The following PLEKHG1 variants were observed in gnomAD, a reference collection of about 807,000 sequenced individuals.
PLEKHG1 encodes pleckstrin homology and RhoGEF domain containing G1, also known as pleckstrin homology domain-containing family G member 1.
PLEKHG1 carries 44 observed loss-of-function variants against 100.8 expected under a neutral mutation model. The ratio of observed to expected loss-of-function variants is 0.44; its 90% CI spans 0.34 to 0.56. PLEKHG1 has a LOEUF of 0.56. Among genes scored for constraint, PLEKHG1 ranks in the 20% least tolerant of loss-of-function variants. The pLI is 0.01. For missense variants in PLEKHG1, 1,545 were observed against 1,720.9 expected (o/e 0.90, Z 1.81); for synonymous variants, 640 against 662.5 (o/e 0.97, Z 0.52).
At chr6:150,635,038 A>G (rs1345273363) in intron 1 of PLEKHG1, among the ~76,000 whole-genome samples, 21 of 152,208 alleles carry the variant, frequency 1.4e-4, no homozygotes, top group Non-Finnish European at 2.9e-5. Context: ...TTTAATTTGA[A>G]TATTCAATAG....
intron 3 of PLEKHG1, among the ~76,000 whole-genome samples, chr6:150,685,248 A>G (rs1411463015): frequency 6.6e-6 from 1 of 151,934 alleles, no homozygotes; most frequent in African/African-American, 2.4e-5. Flanking sequence ...GCGTGGCCCC[A>G]GCAGAAGACA....
At chr6:150,650,290 C>T (rs1036582847) in intron 2 of PLEKHG1, among the ~76,000 whole-genome samples, 2 of 152,174 alleles carry the variant, frequency 1.3e-5, no homozygotes, top group African/African-American at 4.8e-5. Context: ...GAAATCAGAG[C>T]CTCTCCTTCC....
intron 7 of PLEKHG1, 135 bp downstream of exon 8, chr6:150,804,876 C>A: frequency 2.9e-6 from 2 of 687,848 alleles, no homozygotes; most frequent in Non-Finnish European, 4.8e-6. Flanking sequence ...GAAAAAAGTT[C>A]AGGACATCAG....
chr6:150,721,255 C>A, intron 1 of PLEKHG1: 2 of 811,048 alleles, frequency 2.5e-6, no homozygotes, highest in Non-Finnish European at 3.0e-6. Context: ...AACGCTCCTT[C>A]CCTCTGGGAG....
chr6:150,658,521 A>G (rs1024708145), intron 3 of PLEKHG1, among the ~76,000 whole-genome samples: 1 of 152,112 alleles, frequency 6.6e-6, no homozygotes, highest in Non-Finnish European at 1.5e-5. Flanking sequence ...TAGTAACCAG[A>G]CTCTTAGTCA....
At chr6:150,653,147 A>G (rs1400496828) in intron 3 of PLEKHG1, among the ~76,000 whole-genome samples, 3 of 152,220 alleles carry the variant, frequency 2.0e-5, no homozygotes, top group African/African-American at 4.8e-5. Flanking sequence ...CATTAGTCAC[A>G]GTGCTCAGGG....
chr6:150,684,483 A>C (rs1426130394), intron 3 of PLEKHG1, among the ~76,000 whole-genome samples: 1 of 152,180 alleles, frequency 6.6e-6, no homozygotes, highest in Non-Finnish European at 1.5e-5. Context: ...ACATACCTCC[A>C]TATGCTGTCT....
At chr6:150,730,829 G>A (rs1446146697) in intron 1 of PLEKHG1, among the ~76,000 whole-genome samples, 4 of 151,992 alleles carry the variant, frequency 2.6e-5, no homozygotes, top group Non-Finnish European at 4.4e-5. Context: ...TTGAACCTGG[G>A]AGGCGGAGGT....
chr6:150,754,036 G>T (rs1035975427), intron 2 of PLEKHG1, among the ~76,000 whole-genome samples: 2 of 152,236 alleles, frequency 1.3e-5, no homozygotes, highest in Non-Finnish European at 2.9e-5. Context: ...GTTTCAGGGA[G>T]AGAAGGAATG....
chr6:150,795,014 G>T (rs920026262), intron 4 of PLEKHG1, among the ~76,000 whole-genome samples: 1 of 151,922 alleles, frequency 6.6e-6, no homozygotes, highest in Admixed American at 6.6e-5. Context: ...ACATTAAGTG[G>T]TCTAAAAAGT....
chr6:150,624,123 AATTT>A (rs985518190), intron 1 of PLEKHG1, among the ~76,000 whole-genome samples: 1 of 152,204 alleles, frequency 6.6e-6, no homozygotes, highest in Non-Finnish European at 1.5e-5. Context: ...GGTGCTGTAG[AATTT>A]ATTACACATT....
At chr6:150,800,593 T>A in intron 5 of PLEKHG1, 126 bp from the exon 7 acceptor site, 1 of 851,774 alleles carries the variant, frequency 1.2e-6, no homozygotes, top group Non-Finnish European at 1.8e-6. Flanking sequence ...AAAGGCATGC[T>A]GATCTGACCA....
At chr6:150,772,211 G>A (rs1039788672) in intron 3 of PLEKHG1, among the ~76,000 whole-genome samples, 6 of 152,314 alleles carry the variant, frequency 3.9e-5, no homozygotes, top group Admixed American at 3.9e-4. Flanking sequence ...ACTGAACATG[G>A]AATTAAGAAG....
intron 2 of PLEKHG1, among the ~76,000 whole-genome samples, chr6:150,749,959 C>A (rs1335173707): frequency 6.6e-6 from 1 of 151,856 alleles, no homozygotes; most frequent in South Asian, 2.1e-4. Flanking sequence ...GTAGTCCCAG[C>A]TACTTGGGAG....
chr6:150,620,683 G>A (rs969906092), intron 1 of PLEKHG1, among the ~76,000 whole-genome samples: 3 of 152,150 alleles, frequency 2.0e-5, no homozygotes, highest in Non-Finnish European at 4.4e-5. Context: ...GTCTATATGT[G>A]TGTTCATTCA....
chr6:150,795,920 G>T lies in PLEKHG1; in HGVS notation c.629+18G>T, dbSNP rs1299043942. ...TATCCAAGGTATGGATCGAGAATGG[G>T]CCAAGAGTACTTTTGTTCACTTTCA... On this transcript the variant is annotated intron_variant, in intron 5 of 15. Transcript: ENST00000358517. 1 of 1,524,014 alleles carries T rather than the reference G, an allele frequency of 6.6e-7. No individual in the cohort carries two copies. Among genetic ancestry groups the T allele is most frequent in the South Asian group, 1.1e-5 (1 of 88,568 alleles). 94.4% of individuals were successfully genotyped at this position (1,524,014 alleles called of 1,614,324 possible). A position where few individuals can be genotyped will look rare whatever the true frequency, so the allele number is the denominator to read the frequency against.
At chr6:150,659,220 T>C (rs73006312) in intron 3 of PLEKHG1, among the ~76,000 whole-genome samples, 3,124 of 152,274 alleles carry the variant, frequency 0.021, 41 homozygotes, top group Middle Eastern at 0.044. Context: ...AAGTGCTGAG[T>C]TAATTATGTC....
chr6:150,712,749 G>A lies in PLEKHG1; in HGVS notation c.-98-20835G>A, dbSNP rs78041927. 5.6e-3 allele frequency among the ~76,000 whole-genome samples: 855 copies of A among 152,264 alleles called. 11 individuals are homozygous for A. Among genetic ancestry groups the A allele is most frequent in the East Asian group, 0.042 (219 of 5,170 alleles). On this transcript the variant is annotated intron_variant, in intron 3 of 3. Coordinates refer to the PLEKHG1 transcript ENST00000367326. ...TTCAGCAAGTTTGGCTGTCAGCTTG[G>A]ATACCAAGTAATTAAACATAAGATG...
chr6:150,664,747 C>G (rs1158184611), intron 3 of PLEKHG1, among the ~76,000 whole-genome samples: 6 of 152,144 alleles, frequency 3.9e-5, no homozygotes, highest in Non-Finnish European at 7.3e-5. Flanking sequence ...TAGAATCACT[C>G]AAGCACAAGA....
Sources: allele counts gnomAD v4.1 joint callset (sites outside exome capture counted in the v4.1 genomes callset), GRCh38; gene constraint gnomAD v4.1.1; transcripts MANE v1.5; gene names NCBI Gene and HGNC (gene_info 2026-07-23, HGNC 2026-07-21).